PAMR1: variants seen among roughly 807,000 people sequenced by gnomAD.
The protein encoded by PAMR1 is peptidase domain containing associated with muscle regeneration 1.
PAMR1 carries 88 observed loss-of-function variants against 81.8 expected under a neutral mutation model. The observed-to-expected ratio is 1.08, with a 90% confidence interval of 0.91 to 1.28. The LOEUF (loss-of-function observed/expected upper bound fraction) is 1.28, where lower values mean the gene tolerates loss of function less well. Ranked by LOEUF, PAMR1 falls within the 50% of genes most tolerant of loss-of-function variation. PAMR1 has a pLI of 0.00. For missense variants in PAMR1, 935 were observed against 919.7 expected (o/e 1.02, Z -0.21); for synonymous variants, 336 against 345.3 (o/e 0.97, Z 0.30).
chr11:35,499,355 G>A (rs762518091), intron 1 of PAMR1, among the ~76,000 whole-genome samples: 11 of 152,130 alleles, frequency 7.2e-5, no homozygotes, highest in Non-Finnish European at 1.5e-4. Flanking sequence ...ATGGGGTGTG[G>A]CTCATGCCTC....
chr11:35,447,918 A>T (rs1856331550), intron 6 of PAMR1, among the ~76,000 whole-genome samples: 1 of 152,158 alleles, frequency 6.6e-6, no homozygotes, highest in Non-Finnish European at 1.5e-5. Context: ...GTTTGCCTGG[A>T]TATGAAATTC....
At chr11:35,437,436 G>C (rs1384584342) in intron 8 of PAMR1, among the ~76,000 whole-genome samples, 1 of 152,210 alleles carries the variant, frequency 6.6e-6, no homozygotes, top group Non-Finnish European at 1.5e-5. Context: ...GCTTGGCTCA[G>C]AGCAAATATT....
intron 3 of PAMR1, among the ~76,000 whole-genome samples, chr11:35,483,978 T>C (rs1178092809): frequency 6.6e-6 from 1 of 152,202 alleles, no homozygotes; most frequent in Non-Finnish European, 1.5e-5. Flanking sequence ...TCTCTTTTAT[T>C]ATCTTTCTTC....
chr11:35,470,949 A>C, intron 4 of PAMR1, 131 bp from the exon 5 acceptor site: 1 of 665,426 alleles, frequency 1.5e-6, no homozygotes. Context: ...TCGGATAGGA[A>C]AATGGTCCTC....
intron 5 of PAMR1, 53 bp downstream of exon 5, chr11:35,470,548 A>C: frequency 2.3e-6 from 3 of 1,316,244 alleles, no homozygotes; most frequent in Non-Finnish European, 3.3e-6. Flanking sequence ...TGGAAAGGAG[A>C]TATTTATCTG....
intron 1 of PAMR1, among the ~76,000 whole-genome samples, chr11:35,506,069 A>AG: frequency 1.3e-5 from 2 of 151,580 alleles, no homozygotes. Flanking sequence ...AATATCTTAT[A>AG]GATATAACAA....
intron 3 of PAMR1, among the ~76,000 whole-genome samples, chr11:35,483,253 A>G (rs753490769): frequency 5.3e-5 from 8 of 151,996 alleles, no homozygotes; most frequent in Non-Finnish European, 1.2e-4. Flanking sequence ...TCTCTCTTTG[A>G]TTTTCATCTC....
intron 6 of PAMR1, among the ~76,000 whole-genome samples, chr11:35,447,202 C>CA (rs527366238): frequency 8.1e-6 from 1 of 123,304 alleles, no homozygotes; most frequent in African/African-American, 3.0e-5. Flanking sequence ...TCCTCCATCC[C>CA]TTTTTTTTTT....
At chr11:35,461,779 G>A (rs540136830) in intron 6 of PAMR1, among the ~76,000 whole-genome samples, 2 of 152,226 alleles carry the variant, frequency 1.3e-5, no homozygotes. Flanking sequence ...TTTCATATTA[G>A]GGAGGGTAAG....
Position 35,434,816 on chromosome 11 carries a change from G to A in PAMR1, c.1334-12C>T. On this transcript the variant is annotated splice_polypyrimidine_tract_variant and intron_variant, in intron 9 of 10. Transcript: ENST00000619888. ...AATTTTCCCGCAGACTATGGAGAAAGTACCAGCTTAGTAAGATAAACTCAG... is the reference window on the plus strand; with the variant it reads ...AATTTTCCCGCAGACTATGGAGAAAATACCAGCTTAGTAAGATAAACTCAG... 2 of 1,609,582 alleles carry A rather than the reference G, an allele frequency of 1.2e-6. No homozygotes were observed. The highest frequency in any genetic ancestry group is 1.3e-5 in the African/African-American group (1 of 74,994).
chr11:35,526,094 TGGG>T, upstream of PAMR1: 1 of 158,946 alleles, frequency 6.3e-6, no homozygotes, highest in Non-Finnish European at 1.4e-5. Flanking sequence ...GAGTTGGTGA[TGGG>T]AGGAGAAAGG....
chr11:35,439,182 G>A (rs1856110661), intron 8 of PAMR1, among the ~76,000 whole-genome samples: 1 of 152,192 alleles, frequency 6.6e-6, no homozygotes, highest in Non-Finnish European at 1.5e-5. Context: ...CTGGTCATTT[G>A]TCTCTAGTTC....
chr11:35,486,696 C>T (rs1449923243), intron 3 of PAMR1, among the ~76,000 whole-genome samples: 1 of 152,186 alleles, frequency 6.6e-6, no homozygotes, highest in African/African-American at 2.4e-5. Flanking sequence ...TTTAAAAAGA[C>T]ACATGCTCAG....
chr11:35,496,153 G>C lies in PAMR1; in HGVS notation c.74-1881C>G, dbSNP rs1850723760. ...CTGGATGAGAATTTAATGGTTAAAA[G>C]TGAGGAACAGCAGAAGGAAACATAG... On this transcript the variant is annotated intron_variant, in intron 1 of 10. Transcript: ENST00000619888. Among the ~76,000 whole-genome samples the C allele has an allele frequency of 2.0e-5, 3 of 152,184 alleles. No individual in the cohort carries two copies. In the South Asian group the frequency reaches 6.2e-4, roughly 32 times the overall value.
rs983351059 is a variant in PAMR1, at chr11:35,432,174, G to T, written c.*182C>A. On this transcript the variant is annotated 3_prime_UTR_variant, in exon 11 of 11. Transcript: ENST00000619888. Reference sequence around the variant, plus strand: ...ATTGGCTGTCCTAGTAGTGGACGCGGCATCAGCCTACCAGCAATGGAGGTC... The same window carrying T: ...ATTGGCTGTCCTAGTAGTGGACGCGTCATCAGCCTACCAGCAATGGAGGTC... The T allele has an allele frequency of 2.1e-5, 13 of 608,080 alleles. No individual in the cohort carries two copies. In the Middle Eastern group the frequency reaches 1.3e-3, roughly 61 times the overall value. The allele number at this position is 608,080 out of a possible 1,614,324, so 37.7% of individuals were successfully genotyped here.
intron 1 of PAMR1, among the ~76,000 whole-genome samples, chr11:35,494,831 A>G (rs979502866): frequency 6.6e-6 from 1 of 152,172 alleles, no homozygotes; most frequent in Admixed American, 6.5e-5. Context: ...ACTGCTATTC[A>G]TTTTTATTTT....
chr11:35,465,317 A>T (rs1856736081), intron 6 of PAMR1, among the ~76,000 whole-genome samples: 1 of 151,864 alleles, frequency 6.6e-6, no homozygotes, highest in African/African-American at 2.4e-5. Flanking sequence ...TTTTAAAGCC[A>T]TTAAAAAAAA....
At chr11:35,442,648 G>A (rs549391843) in intron 6 of PAMR1, among the ~76,000 whole-genome samples, 4 of 149,880 alleles carry the variant, frequency 2.7e-5, no homozygotes, top group South Asian at 2.1e-4. Flanking sequence ...GTCTCACTCC[G>A]TCACCCAGGC....
intron 1 of PAMR1, among the ~76,000 whole-genome samples, chr11:35,498,866 C>T (rs1231845957): frequency 1.3e-5 from 2 of 152,208 alleles, no homozygotes; most frequent in African/African-American, 4.8e-5. Context: ...AATGCACACC[C>T]CTTCGATCCC....
Sources: allele counts gnomAD v4.1 joint callset (sites outside exome capture counted in the v4.1 genomes callset), GRCh38; gene constraint gnomAD v4.1.1; transcripts MANE v1.5; gene names NCBI Gene and HGNC (gene_info 2026-07-23, HGNC 2026-07-21).